CHN1: variants seen among roughly 807,000 people sequenced by gnomAD.
CHN1 encodes chimerin 1, also known as N-chimaerin.
Under a neutral mutation model 59.5 loss-of-function variants are expected in CHN1, and 37 were observed. That is an observed-to-expected ratio of 0.62 (90% CI 0.48 to 0.82). The LOEUF (loss-of-function observed/expected upper bound fraction) is 0.82, where lower values mean the gene tolerates loss of function less well. Among genes scored for constraint, CHN1 ranks in the 40% least tolerant of loss-of-function variants. The probability of loss-of-function intolerance (pLI) is 0.00; values close to 1 mark genes in which losing one functional copy is unlikely to be tolerated. For missense variants in CHN1, 469 were observed against 571.0 expected (o/e 0.82, Z 1.82); for synonymous variants, 206 against 200.4 (o/e 1.03, Z -0.24).
At chr2:174,963,517 A>G (rs1236938499) in intron 1 of CHN1, among the ~76,000 whole-genome samples, 3 of 152,210 alleles carry the variant, frequency 2.0e-5, no homozygotes, top group East Asian at 3.8e-4. Context: ...AGAGGGCAGA[A>G]ACAAGAAAGT....
intron 5 of CHN1, among the ~76,000 whole-genome samples, chr2:174,911,312 T>A (rs138591746): frequency 1.3e-5 from 2 of 152,352 alleles, no homozygotes; most frequent in Non-Finnish European, 2.9e-5. Flanking sequence ...ATATTCGCCA[T>A]ATCTCATTAA....
intron 7 of CHN1, among the ~76,000 whole-genome samples, chr2:174,825,574 C>CAG (rs1177413882): frequency 6.6e-6 from 1 of 152,108 alleles, no homozygotes; most frequent in Non-Finnish European, 1.5e-5. Context: ...TAGGTTAACT[C>CAG]AGACAAAAAA....
intron 6 of CHN1, among the ~76,000 whole-genome samples, chr2:174,853,187 T>A (rs960125759): frequency 2.0e-5 from 3 of 152,090 alleles, no homozygotes; most frequent in Non-Finnish European, 2.9e-5. Context: ...ATTTGCAAAC[T>A]ATGCACCCGG....
chr2:174,857,429 T>C (rs1262720808), intron 6 of CHN1, among the ~76,000 whole-genome samples: 1 of 152,172 alleles, frequency 6.6e-6, no homozygotes, highest in Non-Finnish European at 1.5e-5. Flanking sequence ...TTTTCACTTA[T>C]AAATTCTTGG....
At chr2:174,816,255 C>G (rs771324238) in intron 8 of CHN1, among the ~76,000 whole-genome samples, 2 of 152,188 alleles carry the variant, frequency 1.3e-5, no homozygotes, top group Non-Finnish European at 2.9e-5. Flanking sequence ...CACTCACAAG[C>G]TCAGCAAAGG....
intron 1 of CHN1, among the ~76,000 whole-genome samples, chr2:174,982,205 C>T (rs1252853088): frequency 7.2e-5 from 11 of 152,106 alleles, no homozygotes; most frequent in Non-Finnish European, 1.2e-4. Context: ...CATTGTTGGG[C>T]ATTTGGGTTG....
intron 7 of CHN1, among the ~76,000 whole-genome samples, chr2:174,844,334 GGCTTTCACCTCAGTGAGT>G (rs1686426252): frequency 6.6e-6 from 1 of 152,086 alleles, no homozygotes; most frequent in Non-Finnish European, 1.5e-5. Context: ...TGGTTTATTT[GGCTTTCACCTCAGTGAGT>G]GCTTTCACCA....
At chr2:174,817,343 T>C (rs1245815177) in intron 8 of CHN1, among the ~76,000 whole-genome samples, 1 of 152,200 alleles carries the variant, frequency 6.6e-6, no homozygotes, top group Non-Finnish European at 1.5e-5. Flanking sequence ...TCTTTCCCTA[T>C]GTATAAAAAT....
chr2:174,827,798 G>A (rs1685741198), intron 7 of CHN1, among the ~76,000 whole-genome samples: 2 of 152,212 alleles, frequency 1.3e-5, no homozygotes, highest in Non-Finnish European at 1.5e-5. Flanking sequence ...AGGCAACGGA[G>A]AGGGAAAGAA....
chr2:174,954,406 C>T (rs555791289), intron 1 of CHN1, among the ~76,000 whole-genome samples: 1 of 152,184 alleles, frequency 6.6e-6, no homozygotes, highest in Admixed American at 6.5e-5. Flanking sequence ...TGACCAAGAA[C>T]CCAAAAGCAA....
intron 1 of CHN1, among the ~76,000 whole-genome samples, chr2:175,000,496 T>C (rs1379506527): frequency 6.6e-6 from 1 of 151,888 alleles, no homozygotes; most frequent in Non-Finnish European, 1.5e-5. Flanking sequence ...CAGGCTGGAG[T>C]GCAGTGACAC....
chr2:174,861,978 G>A (rs1024173309), intron 6 of CHN1, among the ~76,000 whole-genome samples: 8 of 152,034 alleles, frequency 5.3e-5, no homozygotes, highest in Admixed American at 2.0e-4. Context: ...GAAGGAAAAG[G>A]GAATTTAGGC....
At position 174,807,446 on chromosome 2, in the gene CHN1, CTGTGTGTGTGTGTGTGTGTGTGTG is replaced by C. The variant is rs71031071; in HGVS notation, c.1102+1435_1102+1458del. On this transcript the variant is annotated intron_variant, in intron 11 of 12. Transcript: ENST00000409900. ...GACTAGGCAGCTTTTCACGGGCTAT[CTGTGTGTGTGTGTGTGTGTGTGTG>C]TGTGTGTGTGTGTGTGTGTGTGTGT... Among the ~76,000 whole-genome samples the C allele has an allele frequency of 5.6e-3, 470 of 83,844 alleles. 5 individuals are homozygous for C. The highest frequency in any genetic ancestry group is 0.014 in the African/African-American group (324 of 22,566). The allele number at this position is 83,844 out of a possible 152,430, so 55.0% of individuals were successfully genotyped here.
At chr2:174,916,222 A>C (rs1465556558) in intron 4 of CHN1, among the ~76,000 whole-genome samples, 1 of 152,216 alleles carries the variant, frequency 6.6e-6, no homozygotes, top group Non-Finnish European at 1.5e-5. Context: ...ACCTTCCCGT[A>C]AATGGCCAGA....
At chr2:174,833,021 A>G (rs909259764) in intron 7 of CHN1, among the ~76,000 whole-genome samples, 7 of 152,134 alleles carry the variant, frequency 4.6e-5, no homozygotes, top group African/African-American at 1.7e-4. Flanking sequence ...TATATGACAC[A>G]TGGTTATATT....
intron 9 of CHN1, among the ~76,000 whole-genome samples, chr2:174,811,848 C>T (rs1403792126): frequency 1.3e-5 from 2 of 152,144 alleles, no homozygotes; most frequent in Non-Finnish European, 1.5e-5. Context: ...TAATTCATCA[C>T]CCCAATTACA....
At chr2:174,998,302 C>CAAAAAAA (rs34770658) in intron 1 of CHN1, among the ~76,000 whole-genome samples, 2 of 48,798 alleles carry the variant, frequency 4.1e-5, no homozygotes, top group African/African-American at 1.7e-4. Flanking sequence ...GACTCTGTCT[C>CAAAAAAA]AAAAAAAAAA....
At chr2:174,970,537 C>A (rs758601013) in intron 1 of CHN1, among the ~76,000 whole-genome samples, 1 of 151,968 alleles carries the variant, frequency 6.6e-6, no homozygotes, top group African/African-American at 2.4e-5. Flanking sequence ...CCCATGAGAT[C>A]GATGGTGATA....
At chr2:174,905,407 TAAAAATACAAAAGCC>T (rs1466898249) in intron 5 of CHN1, among the ~76,000 whole-genome samples, 1 of 152,156 alleles carries the variant, frequency 6.6e-6, no homozygotes, top group Non-Finnish European at 1.5e-5. Flanking sequence ...TACAATGCCT[TAAAAATACAAAAGCC>T]AAAAATATCT....
Sources: allele counts gnomAD v4.1 joint callset (sites outside exome capture counted in the v4.1 genomes callset), GRCh38; gene constraint gnomAD v4.1.1; transcripts MANE v1.5; gene names NCBI Gene and HGNC (gene_info 2026-07-23, HGNC 2026-07-21).